Variants in SGCE observed in about 807,000 individuals in gnomAD.
SGCE encodes epsilon-sarcoglycan.
Under a neutral mutation model 57.8 loss-of-function variants are expected in SGCE, and 26 were observed. The ratio of observed to expected loss-of-function variants is 0.45; its 90% CI spans 0.33 to 0.62. The LOEUF is 0.62. Ranked by LOEUF, SGCE falls within the 20% of genes least tolerant of loss-of-function variation. SGCE has a pLI of 0.02. For missense variants in SGCE, 468 were observed against 548.6 expected (o/e 0.85, Z 1.47); for synonymous variants, 183 against 189.5 (o/e 0.97, Z 0.28).
chr7:94,643,445 T>C (rs776152145), intron 1 of SGCE, among the ~76,000 whole-genome samples: 8 of 152,206 alleles, frequency 5.3e-5, no homozygotes, highest in Non-Finnish European at 1.2e-4. Context: ...GATATTGCTG[T>C]ATTTCAAGGC....
At chr7:94,648,751 TAAG>T (rs1807472585) in intron 1 of SGCE, among the ~76,000 whole-genome samples, 1 of 152,206 alleles carries the variant, frequency 6.6e-6, no homozygotes, top group South Asian at 2.1e-4. Flanking sequence ...ATGAATTTGC[TAAG>T]AAGGAGAAAC....
In SGCE at chr7:94,606,975, G is replaced by A. The variant is rs530977447; in HGVS notation, c.663-3523C>T. Among the ~76,000 whole-genome samples, 13 of 152,016 alleles carry A rather than the reference G, an allele frequency of 8.6e-5. No individual in the cohort carries two copies. In the South Asian group the frequency reaches 1.5e-3, roughly 17 times the overall value. ...AATTTGGCAAAAGCAATACTTAGAAGGAAATTCATAGCATTGAATGCATAC... is the reference window on the plus strand; with the variant it reads ...AATTTGGCAAAAGCAATACTTAGAAAGAAATTCATAGCATTGAATGCATAC... On this transcript the variant is annotated intron_variant, in intron 5 of 10. Transcript: ENST00000648936.
chr7:94,585,479 C>T lies in SGCE; in HGVS notation c.*20G>A, dbSNP rs1000558170. On this transcript the variant is annotated 3_prime_UTR_variant, in exon 11 of 11. Coordinates refer to ENST00000648936, the MANE Select transcript of SGCE (RefSeq NM_003919.3). ...ATATTGTCTGATTATAAATTCATTG[C>T]TTCAGTCAGTTTTCTTTCTTCAGGG... The T allele has an allele frequency of 3.1e-6, 5 of 1,603,914 alleles. No individual in the cohort carries two copies. In the African/African-American group the frequency reaches 4.0e-5, roughly 13 times the overall value.
intron 10 of SGCE, chr7:94,587,563 C>G: frequency 8.3e-6 from 11 of 1,325,686 alleles, no homozygotes; most frequent in Non-Finnish European, 1.1e-5. Flanking sequence ...ATTCATTTAT[C>G]TTTTTTCTCT....
At chr7:94,646,515 A>G (rs1002017683) in intron 1 of SGCE, among the ~76,000 whole-genome samples, 2 of 152,238 alleles carry the variant, frequency 1.3e-5, no homozygotes, top group Non-Finnish European at 2.9e-5. Context: ...AAAACAATGC[A>G]TATAAGCAAC....
At chr7:94,648,202 G>T (rs924948386) in intron 1 of SGCE, among the ~76,000 whole-genome samples, 1 of 151,800 alleles carries the variant, frequency 6.6e-6, no homozygotes, top group South Asian at 2.1e-4. Flanking sequence ...GTGAAACTCC[G>T]TCTTTACTAA....
intron 1 of SGCE, among the ~76,000 whole-genome samples, chr7:94,646,561 T>C (rs1807106899): frequency 6.6e-6 from 1 of 152,196 alleles, no homozygotes; most frequent in African/African-American, 2.4e-5. Context: ...TGTCCTCACT[T>C]GCACAATGTT....
At position 94,644,578 on chromosome 7, in the gene SGCE, T is replaced by C. The variant is rs374257066; in HGVS notation, c.109+11412A>G. On this transcript the variant is annotated intron_variant, in intron 1 of 10. Coordinates refer to ENST00000648936, the MANE Select transcript of SGCE (RefSeq NM_003919.3). Reference sequence around the variant, plus strand: ...CAAGTAAACAGCCGGATATGCCAAATGAAATTTAATCTGATTATCATACTC... The same window carrying C: ...CAAGTAAACAGCCGGATATGCCAAACGAAATTTAATCTGATTATCATACTC... 76 of 1,135,168 alleles carry C rather than the reference T, an allele frequency of 6.7e-5. No individual in the cohort carries two copies. In the South Asian group the frequency reaches 7.4e-4, roughly 11 times the overall value. The allele number at this position is 1,135,168 out of a possible 1,614,324, so 70.3% of individuals were successfully genotyped here. A position where few individuals can be genotyped will look rare whatever the true frequency, so the allele number is the denominator to read the frequency against.
chr7:94,642,786 C>G (rs970843007), intron 1 of SGCE, among the ~76,000 whole-genome samples: 5 of 152,146 alleles, frequency 3.3e-5, no homozygotes, highest in African/African-American at 1.2e-4. Context: ...CTACAATGTT[C>G]CAAAGAACAA....
At chr7:94,590,527 A>C (rs1797535371) in intron 9 of SGCE, 1 of 152,196 alleles carries the variant, frequency 6.6e-6, no homozygotes, top group African/African-American at 2.4e-5. Flanking sequence ...TTGATACTAA[A>C]ATTAGTTTAT....
chr7:94,598,651 C>T (rs1421556745), intron 9 of SGCE, 124 bp downstream of exon 9: 4 of 785,872 alleles, frequency 5.1e-6, no homozygotes, highest in Non-Finnish European at 9.0e-6. Context: ...TACACAATGT[C>T]CTTTTGTTAT....
intron 1 of SGCE, among the ~76,000 whole-genome samples, chr7:94,651,061 A>G (rs1293745016): frequency 6.6e-6 from 1 of 152,222 alleles, no homozygotes. Context: ...TGGACACTAT[A>G]CTACTACCAG....
At chr7:94,641,318 G>A (rs542910328) in intron 1 of SGCE, among the ~76,000 whole-genome samples, 1 of 152,340 alleles carries the variant, frequency 6.6e-6, no homozygotes, top group South Asian at 2.1e-4. Flanking sequence ...TCAAGATGTA[G>A]ATGCAGAAAT....
chr7:94,628,212 G>T lies in SGCE; in HGVS notation c.380C>A (p.Thr127Lys). 1 of 1,610,418 alleles carries T rather than the reference G, an allele frequency of 6.2e-7. No homozygotes were observed. Among genetic ancestry groups the T allele is most frequent in the Non-Finnish European group, 8.5e-7 (1 of 1,177,912 alleles). ...SPTAENVGKPTIIEITAYNRR... is the reference protein window; with the variant it reads ...SPTAENVGKPKIIEITAYNRR... ...CTAGGTGTAAATTACCTCAATGATTGTTGGCTTCCCCACATTTTCAGCTGT... is the reference window on the plus strand; with the variant it reads ...CTAGGTGTAAATTACCTCAATGATTTTTGGCTTCCCCACATTTTCAGCTGT... Residue 127 changes from threonine (T) to lysine (K), a missense_variant, in exon 3 of 11, where the codon ACA (threonine) becomes AAA (lysine). Thr to Lys is a moderately conservative substitution (Grantham distance 78, BLOSUM62 -1). Coordinates refer to ENST00000648936, the MANE Select transcript of SGCE (RefSeq NM_003919.3).
chr7:94,621,022 C>T (rs1467329563), intron 4 of SGCE: 1 of 152,268 alleles, frequency 6.6e-6, no homozygotes, highest in African/African-American at 2.4e-5. Context: ...ACTTTATGTA[C>T]TCTCCTTGAG....
At chr7:94,593,656 A>G (rs1417353201) in intron 9 of SGCE, among the ~76,000 whole-genome samples, 1 of 151,746 alleles carries the variant, frequency 6.6e-6, no homozygotes, top group Non-Finnish European at 1.5e-5. Flanking sequence ...TCTCCACACC[A>G]TTTTCCTCAG....
At chr7:94,644,065 A>G (rs746627105) in intron 1 of SGCE, among the ~76,000 whole-genome samples, 2 of 152,230 alleles carry the variant, frequency 1.3e-5, no homozygotes, top group Admixed American at 6.5e-5. Context: ...CTACATTACA[A>G]TTATATCTGG....
rs1304738505 is a variant in SGCE, at chr7:94,599,690, CACTT to C, written c.1064+3_1064+6del. 9.9e-6 allele frequency: 16 copies of C among 1,609,396 alleles called. No individual in the cohort carries two copies. The African/African-American group carries it at 1.9e-4, about 19-fold the overall frequency. ...ATGAAGAAAATAACAGGAAAGAAGACACTTACTCTGGTGTTTGCATGTTTCTCTT... is the reference window on the plus strand; with the variant it reads ...ATGAAGAAAATAACAGGAAAGAAGACACTCTGGTGTTTGCATGTTTCTCTT... On this transcript the variant is annotated splice_donor_5th_base_variant and intron_variant, in intron 8 of 10. Transcript: ENST00000648936.
intron 10 of SGCE, chr7:94,587,661 G>T: frequency 6.6e-7 from 1 of 1,505,460 alleles, no homozygotes; most frequent in South Asian, 1.3e-5. Context: ...TCAATATATT[G>T]AACAGTCTTG....
Sources: gnomAD v4.1 joint callset for allele counts (sites outside exome capture counted in the v4.1 genomes callset) on GRCh38, gnomAD v4.1.1 for gene constraint, MANE v1.5 for transcripts, NCBI Gene and HGNC (gene_info 2026-07-23, HGNC 2026-07-21) for gene names.